ADAMTSL3: variants seen among roughly 807,000 people sequenced by gnomAD.
ADAMTSL3 encodes the protein ADAMTS-like protein 3.
A neutral mutation model predicts 201.7 loss-of-function variants in ADAMTSL3; 128 were observed. The observed-to-expected ratio is 0.63, with a 90% CI of 0.55 to 0.73. The LOEUF is 0.73. Ranked by LOEUF, ADAMTSL3 falls within the 30% of genes least tolerant of loss-of-function variation. The pLI is 0.00. For synonymous variants in ADAMTSL3, 738 were observed against 748.4 expected (o/e 0.99, Z 0.23); for missense variants, 1,990 against 2,119.6 (o/e 0.94, Z 1.20).
At chr15:83,986,609 T>A (rs2067480325) in intron 21 of ADAMTSL3, among the ~76,000 whole-genome samples, 2 of 152,242 alleles carry the variant, frequency 1.3e-5, no homozygotes. Context: ...TATGTTTAAT[T>A]CCCTTTACAT....
In ADAMTSL3 at chr15:83,699,386, G is replaced by A. The variant is rs145008002; in HGVS notation, c.70-5003G>A. 6.1e-3 allele frequency among the ~76,000 whole-genome samples: 932 copies of A among 152,208 alleles called. 11 individuals are homozygous for A. Among genetic ancestry groups the A allele is most frequent in the Non-Finnish European group, 6.9e-3 (466 of 68,022 alleles). The stretch of plus-strand genomic sequence containing the variant: ...AGCCAAAAACCCAGAAGTCACCCTT[G>A]ATTCCTCCCTTTTCCTCCCTCATCG... On this transcript the variant is annotated intron_variant, in intron 2 of 29. Transcript: ENST00000286744.
chr15:83,839,018 G>A (rs1193564129), intron 7 of ADAMTSL3, among the ~76,000 whole-genome samples: 4 of 152,086 alleles, frequency 2.6e-5, no homozygotes, highest in Non-Finnish European at 5.9e-5. Flanking sequence ...GGCTGAATTT[G>A]GCCTTTAGGT....
intron 4 of ADAMTSL3, among the ~76,000 whole-genome samples, chr15:83,788,297 T>TA (rs1324482285): frequency 2.0e-5 from 3 of 152,202 alleles, no homozygotes; most frequent in Non-Finnish European, 1.5e-5. Context: ...AACAAGAAAT[T>TA]CAGGAGGCAT....
intron 2 of ADAMTSL3, among the ~76,000 whole-genome samples, chr15:83,696,991 T>C (rs1471844628): frequency 1.3e-5 from 2 of 152,180 alleles, no homozygotes; most frequent in African/African-American, 4.8e-5. Context: ...ACCGAGGTTC[T>C]GTAGACGTTA....
At chr15:83,860,593 G>C (rs543215287) in intron 8 of ADAMTSL3, among the ~76,000 whole-genome samples, 20 of 152,250 alleles carry the variant, frequency 1.3e-4, no homozygotes, top group South Asian at 1.2e-3. Context: ...GATATTAAAG[G>C]CCATTCCCCA....
At chr15:83,819,038 C>T (rs1023274163) in intron 5 of ADAMTSL3, among the ~76,000 whole-genome samples, 2 of 151,956 alleles carry the variant, frequency 1.3e-5, no homozygotes, top group Non-Finnish European at 2.9e-5. Context: ...TTTGGGAGGC[C>T]GACACAGGTG....
intron 27 of ADAMTSL3, among the ~76,000 whole-genome samples, chr15:84,026,438 A>G (rs1310332599): frequency 6.6e-6 from 1 of 152,212 alleles, no homozygotes; most frequent in African/African-American, 2.4e-5. Flanking sequence ...CTTTGCAGAC[A>G]TTGACAGTCT....
At chr15:83,761,604 C>T (rs764454684) in intron 3 of ADAMTSL3, among the ~76,000 whole-genome samples, 1 of 152,196 alleles carries the variant, frequency 6.6e-6, no homozygotes, top group East Asian at 1.9e-4. Flanking sequence ...CCATTCCTCT[C>T]CATCAGACTT....
intron 23 of ADAMTSL3, among the ~76,000 whole-genome samples, chr15:84,003,719 A>C (rs939283135): frequency 6.6e-6 from 1 of 152,194 alleles, no homozygotes; most frequent in African/African-American, 2.4e-5. Context: ...TCTGCCCTCC[A>C]AGACTCTCTG....
intron 19 of ADAMTSL3, 76 bp downstream of exon 19, chr15:83,943,158 GA>G: frequency 1.4e-6 from 2 of 1,476,816 alleles, no homozygotes; most frequent in Admixed American, 4.6e-5. Context: ...ATTTCCACAA[GA>G]TCAGGCTGGA....
chr15:83,964,083 G>A (rs2067031320), intron 19 of ADAMTSL3, among the ~76,000 whole-genome samples: 1 of 152,238 alleles, frequency 6.6e-6, no homozygotes, highest in Admixed American at 6.5e-5. Flanking sequence ...AGCACAAAAA[G>A]GCTGAAAATT....
At chr15:83,835,381 T>A (rs1193096369) in intron 6 of ADAMTSL3, among the ~76,000 whole-genome samples, 6 of 152,184 alleles carry the variant, frequency 3.9e-5, no homozygotes, top group Admixed American at 3.9e-4. Context: ...CATTTTTCTG[T>A]GATGTTTTCA....
At chr15:83,983,509 T>G (rs1398775733) in intron 21 of ADAMTSL3, among the ~76,000 whole-genome samples, 165 bp downstream of exon 21, 1 of 152,226 alleles carries the variant, frequency 6.6e-6, no homozygotes, top group African/African-American at 2.4e-5. Context: ...ACATATACGT[T>G]GGAATTTTTA....
chr15:83,719,141 A>G (rs550014258), intron 3 of ADAMTSL3, among the ~76,000 whole-genome samples: 4 of 152,342 alleles, frequency 2.6e-5, no homozygotes, highest in African/African-American at 7.2e-5. Context: ...CTTGCCTTCT[A>G]TGGTGCTTCT....
At chr15:83,865,337 G>A (rs999238865) in intron 8 of ADAMTSL3, among the ~76,000 whole-genome samples, 4 of 152,130 alleles carry the variant, frequency 2.6e-5, no homozygotes, top group Non-Finnish European at 4.4e-5. Flanking sequence ...AAAGCTGGGG[G>A]CATCACGCTA....
At chr15:83,998,033 AAAAAAAAC>A (rs1236085580) in intron 23 of ADAMTSL3, among the ~76,000 whole-genome samples, 2 of 152,140 alleles carry the variant, frequency 1.3e-5, no homozygotes, top group East Asian at 3.8e-4. Flanking sequence ...AGGAAGAAAA[AAAAAAAAC>A]AAAAAAACTC....
In ADAMTSL3 at chr15:83,655,835, G is replaced by C. The variant is rs781229793; in HGVS notation, c.69+5G>C. ...ATGCACTCTCCCCTCCCGCAGGTAA[G>C]GTCATATAGGGAGGGGAAGGGAAAT... is the stretch of plus-strand genomic sequence containing the variant. On this transcript the variant is annotated splice_donor_5th_base_variant and intron_variant, in intron 2 of 29. Transcript: ENST00000286744. The C allele has an allele frequency of 6.2e-7, 1 of 1,613,476 alleles. No homozygotes were observed. The highest frequency in any genetic ancestry group is 1.3e-5 in the African/African-American group (1 of 75,026).
chr15:83,712,766 C>T (rs149067815), intron 3 of ADAMTSL3, among the ~76,000 whole-genome samples: 1 of 152,314 alleles, frequency 6.6e-6, no homozygotes, highest in East Asian at 1.9e-4. Flanking sequence ...ATTCTGCAAG[C>T]TTCAGTCTAA....
intron 28 of ADAMTSL3, among the ~76,000 whole-genome samples, chr15:84,033,220 C>CT (rs2068440722): frequency 6.6e-6 from 1 of 152,162 alleles, no homozygotes; most frequent in Non-Finnish European, 1.5e-5. Flanking sequence ...CCAACCCAGT[C>CT]TCCACAGTAC....
Sources: gnomAD v4.1 joint callset for allele counts (sites outside exome capture counted in the v4.1 genomes callset) on GRCh38, gnomAD v4.1.1 for gene constraint, MANE v1.5 for transcripts, NCBI Gene and HGNC (gene_info 2026-07-23, HGNC 2026-07-21) for gene names.